Variants in WWOX observed in about 807,000 individuals in gnomAD.
WWOX encodes WW domain-containing oxidoreductase.
In WWOX, 69 loss-of-function variants were observed where a neutral mutation model predicts 46.2. The ratio of observed to expected loss-of-function variants is 1.49; its 90% CI spans 1.23 to 1.82. The LOEUF (loss-of-function observed/expected upper bound fraction) is 1.82. Among genes scored for constraint, WWOX ranks in the 40% most tolerant of loss-of-function variants. WWOX has a pLI of 0.00. For synonymous variants in WWOX, 359 were observed against 202.6 expected (o/e 1.77, Z -6.56); for missense variants, 919 against 542.6 (o/e 1.69, Z -6.89).
chr16:78,509,090 TGA>T (rs1269660657), intron 8 of WWOX, among the ~76,000 whole-genome samples: 1 of 152,240 alleles, frequency 6.6e-6, no homozygotes, highest in Non-Finnish European at 1.5e-5. Flanking sequence ...CAGTGTGCAG[TGA>T]GGCCCTCCCT....
intron 8 of WWOX, among the ~76,000 whole-genome samples, chr16:78,764,128 CTT>C (rs1001833138): frequency 6.6e-6 from 1 of 152,168 alleles, no homozygotes; most frequent in Non-Finnish European, 1.5e-5. Context: ...CGTGTCACCA[CTT>C]TTGCCGAAAA....
chr16:78,546,424 A>G (rs1597245329), intron 8 of WWOX, among the ~76,000 whole-genome samples: 1 of 152,202 alleles, frequency 6.6e-6, no homozygotes, highest in Non-Finnish European at 1.5e-5. Flanking sequence ...CTAGAAAGTG[A>G]GGGCAAGAGA....
At chr16:78,700,777 G>C (rs1324389339) in intron 8 of WWOX, among the ~76,000 whole-genome samples, 3 of 152,204 alleles carry the variant, frequency 2.0e-5, no homozygotes, top group Non-Finnish European at 2.9e-5. Context: ...CTAGCATGGT[G>C]CTTGGCACTG....
chr16:79,199,661 C>G (rs1454511514), intron 8 of WWOX, among the ~76,000 whole-genome samples: 1 of 151,964 alleles, frequency 6.6e-6, no homozygotes, highest in Non-Finnish European at 1.5e-5. Flanking sequence ...GTATCCTGGC[C>G]CCTGTATGGG....
At chr16:78,483,731 C>T (rs17776822) in intron 8 of WWOX, among the ~76,000 whole-genome samples, 1 of 151,912 alleles carries the variant, frequency 6.6e-6, no homozygotes, top group Non-Finnish European at 1.5e-5. Context: ...TTTTCAAATG[C>T]AGCATCGCTT....
intron 8 of WWOX, among the ~76,000 whole-genome samples, chr16:79,044,086 G>A (rs2048023131): frequency 1.3e-5 from 2 of 152,158 alleles, no homozygotes; most frequent in African/African-American, 2.4e-5. Flanking sequence ...ACAGTGAGGC[G>A]CAGCTCCCAA....
intron 5 of WWOX, among the ~76,000 whole-genome samples, chr16:78,190,025 TTGTCCAGCACATG>T (rs1465085542): frequency 6.6e-6 from 1 of 152,190 alleles, no homozygotes; most frequent in African/African-American, 2.4e-5. Flanking sequence ...AGCTGTTATC[TTGTCCAGCACATG>T]TGTCCACACT....
intron 8 of WWOX, among the ~76,000 whole-genome samples, chr16:79,149,445 A>T (rs1210571176): frequency 6.6e-6 from 1 of 152,120 alleles, no homozygotes; most frequent in African/African-American, 2.4e-5. Context: ...CATTTTGTGG[A>T]TAGCTCACCA....
intron 8 of WWOX, among the ~76,000 whole-genome samples, chr16:79,148,906 G>GTT (rs60513029): frequency 1.3e-5 from 2 of 151,786 alleles, no homozygotes; most frequent in African/African-American, 2.4e-5. Flanking sequence ...AGTTCCAGGA[G>GTT]TTTTTTATTT....
At chr16:78,787,810 C>T (rs1475300432) in intron 8 of WWOX, among the ~76,000 whole-genome samples, 1 of 152,156 alleles carries the variant, frequency 6.6e-6, no homozygotes, top group Admixed American at 6.5e-5. Flanking sequence ...CCAATTTCTC[C>T]ACATCCTTGC....
intron 8 of WWOX, among the ~76,000 whole-genome samples, chr16:78,917,008 T>G (rs1366495218): frequency 6.6e-6 from 1 of 152,228 alleles, no homozygotes; most frequent in Non-Finnish European, 1.5e-5. Context: ...GGCACCATTT[T>G]GTGACAAGCT....
At chr16:78,826,218 G>A (rs919299947) in intron 8 of WWOX, among the ~76,000 whole-genome samples, 2 of 152,288 alleles carry the variant, frequency 1.3e-5, no homozygotes, top group African/African-American at 4.8e-5. Context: ...AGCCTGGCGT[G>A]CCCTGTAATC....
chr16:79,033,651 C>A (rs1014749800), intron 8 of WWOX, among the ~76,000 whole-genome samples: 7 of 152,102 alleles, frequency 4.6e-5, no homozygotes, highest in African/African-American at 1.7e-4. Flanking sequence ...CATGACCATC[C>A]ATCTCCAGAA....
Position 78,199,067 on chromosome 16 carries a change from A to C in WWOX, c.516+34778A>C, listed in dbSNP as rs1352019227. Among the ~76,000 whole-genome samples the C allele has an allele frequency of 5.3e-5, 8 of 152,008 alleles. No homozygotes were observed. The East Asian group carries it at 1.5e-3, about 29-fold the overall frequency. On this transcript the variant is annotated intron_variant, in intron 5 of 8. Transcript: ENST00000566780. ...CATAATTAAATCTCCCATGCATCCC[A>C]CTTTGGGAGGCTGAGGTGGATGGAT...
At chr16:78,708,827 T>C (rs2048378577) in intron 8 of WWOX, among the ~76,000 whole-genome samples, 2 of 152,194 alleles carry the variant, frequency 1.3e-5, no homozygotes, top group Non-Finnish European at 2.9e-5. Context: ...ATAAAAAAAT[T>C]ATTTTTCACA....
rs933728132 is a variant in WWOX, at chr16:79,212,157, ACCACCACGG to A, written c.*369_*377del. ...TGAGGTCCCCTCGTCCCATCCAGCTACCACCACGGCCACCACTGCAGCCGGGGGCTGGCC... is the reference window on the plus strand; with the variant it reads ...TGAGGTCCCCTCGTCCCATCCAGCTACCACCACTGCAGCCGGGGGCTGGCC... On this transcript the variant is annotated 3_prime_UTR_variant, in exon 9 of 9. Transcript: ENST00000566780. 2.3e-5 allele frequency: 34 copies of A among 1,502,854 alleles called. No individual in the cohort carries two copies. In the African/African-American group the frequency reaches 2.8e-4, roughly 12 times the overall value. The allele number at this position is 1,502,854 out of a possible 1,614,324, so 93.1% of individuals were successfully genotyped here.
chr16:78,678,390 T>C (rs1418457849), intron 8 of WWOX, among the ~76,000 whole-genome samples: 4 of 152,214 alleles, frequency 2.6e-5, no homozygotes, highest in Non-Finnish European at 5.9e-5. Context: ...AATATTTATC[T>C]ATATTGAGTG....
At chr16:79,104,399 G>A (rs535912386) in intron 8 of WWOX, among the ~76,000 whole-genome samples, 52 of 152,072 alleles carry the variant, frequency 3.4e-4, no homozygotes, top group African/African-American at 1.2e-3. Flanking sequence ...ATTTTACAGC[G>A]AACCACCATT....
At chr16:78,303,601 A>G (rs535405706) in intron 5 of WWOX, among the ~76,000 whole-genome samples, 9 of 152,022 alleles carry the variant, frequency 5.9e-5, no homozygotes, top group Non-Finnish European at 8.8e-5. Context: ...CTGGAGTGCA[A>G]TGGCACAATC....
Sources: allele counts gnomAD v4.1 joint callset (sites outside exome capture counted in the v4.1 genomes callset), GRCh38; gene constraint gnomAD v4.1.1; transcripts MANE v1.5; gene names NCBI Gene and HGNC (gene_info 2026-07-23, HGNC 2026-07-21).